The following RIMS2 variants were observed in gnomAD, a reference collection of about 807,000 sequenced individuals.
RIMS2 encodes the protein regulating synaptic membrane exocytosis 2.
A neutral mutation model predicts 174.4 loss-of-function variants in RIMS2; 59 were observed. The observed-to-expected ratio is 0.34, with a 90% CI of 0.27 to 0.42. The LOEUF is 0.42. Ranked by LOEUF, RIMS2 falls within the 10% of genes least tolerant of loss-of-function variation. The pLI is 1.00. For missense variants in RIMS2, 1,620 were observed against 1,666.3 expected (o/e 0.97, Z 0.48); for synonymous variants, 606 against 572.5 (o/e 1.06, Z -0.84).
At chr8:103,878,588 T>C (rs1462183785) in intron 3 of RIMS2, among the ~76,000 whole-genome samples, 2 of 151,886 alleles carry the variant, frequency 1.3e-5, no homozygotes, top group Non-Finnish European at 2.9e-5. Context: ...CTTCATAGCA[T>C]GAGTCAGGTA....
At chr8:103,656,504 G>T (rs1180409240) in intron 1 of RIMS2, among the ~76,000 whole-genome samples, 1 of 152,070 alleles carries the variant, frequency 6.6e-6, no homozygotes, top group African/African-American at 2.4e-5. Context: ...AAAGACTGTG[G>T]TTCCTACTCT....
At chr8:103,815,463 A>T (rs1268113277) in intron 3 of RIMS2, among the ~76,000 whole-genome samples, 1 of 152,076 alleles carries the variant, frequency 6.6e-6, no homozygotes. Flanking sequence ...TCTTATTATC[A>T]CTGTCATTTC....
intron 2 of RIMS2, among the ~76,000 whole-genome samples, chr8:103,723,554 A>G (rs67732651): frequency 0.12 from 17,670 of 152,166 alleles, 1,368 homozygotes; most frequent in Non-Finnish European, 0.17. Flanking sequence ...GTCTGCATTC[A>G]TAAGGGCTGA....
At chr8:103,862,475 G>A (rs571089733) in intron 3 of RIMS2, among the ~76,000 whole-genome samples, 5 of 151,238 alleles carry the variant, frequency 3.3e-5, no homozygotes, top group African/African-American at 9.7e-5. Flanking sequence ...GCTTCCATAC[G>A]GCCTTTAGAT....
chr8:103,797,444 A>G (rs1248540083), intron 3 of RIMS2, among the ~76,000 whole-genome samples: 1 of 152,198 alleles, frequency 6.6e-6, no homozygotes, highest in Non-Finnish European at 1.5e-5. Context: ...AATGAATTGA[A>G]CTAAATCACT....
At chr8:103,671,121 G>C (rs1472330523) in intron 1 of RIMS2, among the ~76,000 whole-genome samples, 1 of 152,144 alleles carries the variant, frequency 6.6e-6, no homozygotes, top group Non-Finnish European at 1.5e-5. Context: ...TGAGAGCCAT[G>C]CAAAAGTGTT....
chr8:103,939,055 G>A (rs1453124427), intron 13 of RIMS2, among the ~76,000 whole-genome samples: 1 of 152,170 alleles, frequency 6.6e-6, no homozygotes, highest in Non-Finnish European at 1.5e-5. Flanking sequence ...GCAAGCTGTA[G>A]ATGGATCTAC....
At chr8:104,140,913 C>T (rs966789925) in intron 19 of RIMS2, among the ~76,000 whole-genome samples, 3 of 152,160 alleles carry the variant, frequency 2.0e-5, no homozygotes, top group South Asian at 2.1e-4. Flanking sequence ...TAGCTGAAAT[C>T]ATCAGAGAAG....
chr8:104,132,504 A>G (rs1272937604), intron 19 of RIMS2, among the ~76,000 whole-genome samples: 1 of 152,200 alleles, frequency 6.6e-6, no homozygotes, highest in Non-Finnish European at 1.5e-5. Flanking sequence ...TAATAGGCCA[A>G]ATACTTGAAT....
intron 19 of RIMS2, among the ~76,000 whole-genome samples, chr8:104,034,318 G>A (rs2096464056): frequency 6.6e-6 from 1 of 152,082 alleles, no homozygotes; most frequent in Admixed American, 6.5e-5. Context: ...GTATGACATG[G>A]ACTAGAAAAC....
At chr8:104,018,085 A>G (rs568053542) in intron 19 of RIMS2, among the ~76,000 whole-genome samples, 1 of 152,250 alleles carries the variant, frequency 6.6e-6, no homozygotes, top group South Asian at 2.1e-4. Context: ...AATAATAAGT[A>G]TCTATTGGAG....
At chr8:103,632,731 A>ATTTTTTTTTTTTTT (rs61579273) in intron 1 of RIMS2, among the ~76,000 whole-genome samples, 8 of 70,416 alleles carry the variant, frequency 1.1e-4, no homozygotes, top group African/African-American at 2.5e-4. Flanking sequence ...ATATTTATTG[A>ATTTTTTTTTTTTTT]TTTTTTTTTT....
chr8:103,770,458 C>A (rs1024569043), intron 3 of RIMS2, among the ~76,000 whole-genome samples: 1 of 152,126 alleles, frequency 6.6e-6, no homozygotes, highest in Non-Finnish European at 1.5e-5. Flanking sequence ...TGCCTATAAT[C>A]CCAGCTACTT....
At chr8:103,562,544 A>G (rs2091756975) in intron 1 of RIMS2, among the ~76,000 whole-genome samples, 3 of 152,142 alleles carry the variant, frequency 2.0e-5, no homozygotes, top group Admixed American at 6.5e-5. Flanking sequence ...GTGGCTTTGA[A>G]GGATACAGCC....
chr8:104,180,106 G>T (rs899604512), intron 19 of RIMS2, among the ~76,000 whole-genome samples: 3 of 151,732 alleles, frequency 2.0e-5, no homozygotes, highest in Non-Finnish European at 3.0e-5. Flanking sequence ...ATGCTCTATT[G>T]AAGGGCATTT....
At chr8:104,066,983 G>T (rs923496070) in intron 19 of RIMS2, among the ~76,000 whole-genome samples, 2 of 151,740 alleles carry the variant, frequency 1.3e-5, no homozygotes, top group African/African-American at 4.8e-5. Context: ...TGAGATTTTT[G>T]CAGGGCAGAG....
chr8:103,961,249 A>G lies in RIMS2; in HGVS notation c.2770+116A>G, dbSNP rs1595887903. ...ATAACTCGTCTTCTCACCCTCCAAAACAGCCTATGGCAACCTATGACAACT... is the reference window on the plus strand; with the variant it reads ...ATAACTCGTCTTCTCACCCTCCAAAGCAGCCTATGGCAACCTATGACAACT... On this transcript the variant is annotated intron_variant, in intron 15 of 23. Coordinates refer to ENST00000504942, the Ensembl canonical transcript of RIMS2. The G allele has an allele frequency of 7.9e-6, 5 of 634,706 alleles. No individual in the cohort carries two copies. The Admixed American group carries it at 1.3e-4, about 17-fold the overall frequency. 39.3% of individuals were successfully genotyped at this position (634,706 alleles called of 1,614,324 possible).
chr8:103,856,709 C>G (rs1483469283), intron 3 of RIMS2, among the ~76,000 whole-genome samples: 1 of 152,176 alleles, frequency 6.6e-6, no homozygotes, highest in Non-Finnish European at 1.5e-5. Flanking sequence ...CTAATACTAG[C>G]TACCATGAAC....
At chr8:103,910,244 T>C in intron 5 of RIMS2, 77 bp from the exon 8 acceptor site, 1 of 1,532,154 alleles carries the variant, frequency 6.5e-7, no homozygotes, top group Non-Finnish European at 8.9e-7. Context: ...CGTTATCATT[T>C]CACTTTTCCT....
Sources: gnomAD v4.1 joint callset for allele counts (sites outside exome capture counted in the v4.1 genomes callset) on GRCh38, gnomAD v4.1.1 for gene constraint, MANE v1.5 for transcripts, NCBI Gene and HGNC (gene_info 2026-07-23, HGNC 2026-07-21) for gene names.